SEC23B: variants seen among roughly 807,000 people sequenced by gnomAD.
SEC23B encodes SEC23 homolog B, COPII component.
Under a neutral mutation model 104.3 loss-of-function variants are expected in SEC23B, and 77 were observed. The ratio of observed to expected loss-of-function variants is 0.74; its 90% CI spans 0.61 to 0.89. SEC23B has a LOEUF of 0.89. SEC23B is among the 40% of genes least tolerant of loss of function. SEC23B has a pLI of 0.00. For synonymous variants in SEC23B, 338 were observed against 332.5 expected (o/e 1.02, Z -0.18); for missense variants, 885 against 949.4 (o/e 0.93, Z 0.89).
At chr20:18,537,667 C>T (rs2060248146) in intron 12 of SEC23B, among the ~76,000 whole-genome samples, 1 of 152,036 alleles carries the variant, frequency 6.6e-6, no homozygotes, top group Non-Finnish European at 1.5e-5. Flanking sequence ...AGCACACCAG[C>T]ATGGCACATG....
At chr20:18,517,370 G>T (rs916987249) in intron 4 of SEC23B, among the ~76,000 whole-genome samples, 1 of 152,186 alleles carries the variant, frequency 6.6e-6, no homozygotes, top group Admixed American at 6.5e-5. Flanking sequence ...TCTTAAGGGT[G>T]GGGGAGATTA....
chr20:18,540,517 G>A lies in SEC23B; in HGVS notation c.1405-1779G>A, dbSNP rs114112727. Reference sequence around the variant, plus strand: ...CGTAGATTGAGCACAATTCTTAAGAGTCCTAGGATACTTGGAATGGTAAAT... The same window carrying A: ...CGTAGATTGAGCACAATTCTTAAGAATCCTAGGATACTTGGAATGGTAAAT... On this transcript the variant is annotated intron_variant, in intron 12 of 19. Coordinates refer to ENST00000650089, the MANE Select transcript of SEC23B (RefSeq NM_006363.6). Among the ~76,000 whole-genome samples the A allele has an allele frequency of 6.0e-3, 912 of 152,274 alleles. 12 individuals are homozygous for A. The highest frequency in any genetic ancestry group is 0.021 in the African/African-American group (866 of 41,540).
intron 1 of SEC23B, among the ~76,000 whole-genome samples, chr20:18,509,373 C>T (rs1049027136): frequency 3.3e-5 from 5 of 152,122 alleles, no homozygotes; most frequent in African/African-American, 1.2e-4. Context: ...AGTTGTTATC[C>T]ATATTCAGGA....
At position 18,524,507 on chromosome 20, in the gene SEC23B, C is replaced by T; in HGVS notation, c.441C>T (p.Leu147=). 6.2e-7 allele frequency: 1 copy of T among 1,614,164 alleles called. No homozygotes were observed. ...TGGAGGAAGATGACCTTCAAGCACT[C>T]AAAGAGTCCCTGCAGATGTCCCTGA... ...TCLEEDDLQA[L]KESLQMSLSL... is the part of the protein sequence containing the mutation. Residue 147 remains leucine, a synonymous_variant, in exon 5 of 20, where the codon CTC becomes CTT. Coordinates refer to ENST00000650089, the MANE Select transcript of SEC23B (RefSeq NM_006363.6).
intron 4 of SEC23B, among the ~76,000 whole-genome samples, chr20:18,520,977 G>A (rs6075355): frequency 0.68 from 103,366 of 151,868 alleles, 36,617 homozygotes; most frequent in Non-Finnish European, 0.8. Flanking sequence ...GTGGGGTCCC[G>A]CACAGATGGG....
At chr20:18,537,388 C>T (rs1160079493) in intron 12 of SEC23B, among the ~76,000 whole-genome samples, 2 of 151,786 alleles carry the variant, frequency 1.3e-5, no homozygotes, top group Admixed American at 6.6e-5. Context: ...GGCACATATA[C>T]ACCATGGAAT....
At chr20:18,530,576 C>T (rs2060175154) in intron 9 of SEC23B, 104 bp from the exon 10 acceptor site, 4 of 1,318,654 alleles carry the variant, frequency 3.0e-6, no homozygotes, top group Admixed American at 2.4e-5. Context: ...CTTTTGGGGA[C>T]CTGGTTTCTT....
At chr20:18,558,021 G>A (rs892232939) in intron 19 of SEC23B, among the ~76,000 whole-genome samples, 11 of 152,062 alleles carry the variant, frequency 7.2e-5, no homozygotes, top group South Asian at 6.2e-4. Flanking sequence ...AAAGTGCTGG[G>A]ATTACAGGCA....
chr20:18,541,943 A>G (rs896230105), intron 12 of SEC23B, among the ~76,000 whole-genome samples: 3 of 152,194 alleles, frequency 2.0e-5, no homozygotes, highest in East Asian at 3.8e-4. Flanking sequence ...ATGATTAACA[A>G]TCCGTCACAA....
At position 18,510,905 on chromosome 20, in the gene SEC23B, T is replaced by C. The variant is rs2059975563; in HGVS notation, c.70T>C (p.Trp24Arg). 1.2e-6 allele frequency: 2 copies of C among 1,614,186 alleles called. No individual in the cohort carries two copies. Among genetic ancestry groups the C allele is most frequent in the Non-Finnish European group, 1.7e-6 (2 of 1,180,012 alleles). The change falls in exon 2 of 20, where the codon TGG becomes CGG. Residue 24 changes from tryptophan to arginine, a missense_variant. By Grantham distance (101) the Trp-to-Arg change is moderately radical. Coordinates refer to ENST00000650089, the MANE Select transcript of SEC23B (RefSeq NM_006363.6). Reference sequence around the variant, plus strand: ...TGGTGTGCGTTTTAGTTGGAACGTGTGGCCTTCCAGCCGGCTGGAGGCTAC... The same window carrying C: ...TGGTGTGCGTTTTAGTTGGAACGTGCGGCCTTCCAGCCGGCTGGAGGCTAC... ...RDGVRFSWNV[W>R]PSSRLEATRM... is the part of the protein sequence containing the mutation.
At chr20:18,537,607 GA>G (rs1262193514) in intron 12 of SEC23B, among the ~76,000 whole-genome samples, 1 of 151,950 alleles carries the variant, frequency 6.6e-6, no homozygotes, top group Non-Finnish European at 1.5e-5. Flanking sequence ...AAGGGGGGAG[GA>G]ATAACATTAG....
chr20:18,511,883 T>C (rs2059984988), intron 2 of SEC23B, among the ~76,000 whole-genome samples: 1 of 152,094 alleles, frequency 6.6e-6, no homozygotes, highest in Non-Finnish European at 1.5e-5. Context: ...AATAAAGATG[T>C]TAGAAAAAAA....
At chr20:18,554,799 C>T (rs981164457) in intron 18 of SEC23B, among the ~76,000 whole-genome samples, 6 of 135,850 alleles carry the variant, frequency 4.4e-5, no homozygotes. Flanking sequence ...TGCACTCCAG[C>T]TGGGGCTACA....
chr20:18,546,004 T>C lies in SEC23B; in HGVS notation c.1714T>C (p.Leu572=). The C allele has an allele frequency of 6.3e-7, 1 of 1,587,600 alleles. No homozygotes were observed. The highest frequency in any genetic ancestry group is 8.7e-7 in the Non-Finnish European group (1 of 1,155,804). ...YNKEDPTSFR[L]SDSFSLYPQF... ...CAAAGAAGACCCCACTTCTTTTAGG[T>C]TATCAGATTCCTTTTCTCTATATCC... The change falls in exon 15 of 20, where the codon TTA becomes CTA. Residue 572 remains leucine, a synonymous_variant. Coordinates refer to ENST00000650089, the MANE Select transcript of SEC23B (RefSeq NM_006363.6).
chr20:18,560,722 T>A lies in SEC23B; in HGVS notation c.2286T>A (p.Ala762=). The A allele has an allele frequency of 6.2e-7, 1 of 1,613,790 alleles. No individual in the cohort carries two copies. The highest frequency in any genetic ancestry group is 1.3e-5 in the African/African-American group (1 of 75,016). The change falls in exon 20 of 20, where the codon GCT becomes GCA. Residue 762 remains alanine, a synonymous_variant. Transcript: ENST00000650089. ...QVFMDHLKKL[A]VSSAC ...TCATGGACCATTTGAAGAAGCTGGCTGTCTCCAGTGCCTGTTAAGCTGAGG... is the reference window on the plus strand; with the variant it reads ...TCATGGACCATTTGAAGAAGCTGGCAGTCTCCAGTGCCTGTTAAGCTGAGG...
chr20:18,553,336 A>G (rs998459653), intron 17 of SEC23B, among the ~76,000 whole-genome samples: 2 of 152,232 alleles, frequency 1.3e-5, no homozygotes, highest in African/African-American at 2.4e-5. Flanking sequence ...TGAGCAGGCT[A>G]CAGAAGGAGG....
intron 14 of SEC23B, 96 bp from the exon 15 acceptor site, chr20:18,545,860 A>G: frequency 3.8e-6 from 3 of 793,354 alleles, no homozygotes; most frequent in Non-Finnish European, 6.8e-6. Context: ...GACTGGATGT[A>G]GCTTAGTCCA....
chr20:18,540,532 G>A (rs543992923), intron 12 of SEC23B, among the ~76,000 whole-genome samples: 1 of 152,278 alleles, frequency 6.6e-6, no homozygotes, highest in East Asian at 1.9e-4. Context: ...AGGATACTTG[G>A]AATGGTAAAT....
In SEC23B at chr20:18,525,860, G is replaced by A; in HGVS notation, c.762G>A (p.Trp254Ter). 2 of 1,614,152 alleles carry A rather than the reference G, an allele frequency of 1.2e-6. No homozygotes were observed. Among genetic ancestry groups the A allele is most frequent in the South Asian group, 1.1e-5 (1 of 91,080 alleles). ...DLLGELQRDP[W>*]PVTQGKRPLR... ...TTGGGGAGCTACAGAGGGACCCATG[G>A]CCAGTAACTCAGGGGAAGAGACCTT... The change falls in exon 7 of 20, where the codon TGG becomes TGA. Residue 254 changes from tryptophan (W) to a stop codon, truncating the protein, a stop_gained. Coordinates refer to ENST00000650089, the MANE Select transcript of SEC23B (RefSeq NM_006363.6). LOFTEE classifies it high-confidence loss of function.
Sources: gnomAD v4.1 joint callset for allele counts (sites outside exome capture counted in the v4.1 genomes callset) on GRCh38, gnomAD v4.1.1 for gene constraint, MANE v1.5 for transcripts, NCBI Gene and HGNC (gene_info 2026-07-23, HGNC 2026-07-21) for gene names.